Variants in LRRC72 observed in about 807,000 individuals in gnomAD.
The protein encoded by LRRC72 is leucine-rich repeat-containing protein 72.
In LRRC72, 41 loss-of-function variants were observed where a neutral mutation model predicts 35.8. That is an observed-to-expected ratio of 1.15 (90% CI 0.89 to 1.49). LRRC72 has a LOEUF of 1.49. Ranked by LOEUF, LRRC72 falls within the 40% of genes most tolerant of loss-of-function variation. The pLI, the probability that LRRC72 is intolerant of heterozygous loss-of-function variation, is 0.00. For synonymous variants in LRRC72, 118 were observed against 119.2 expected (o/e 0.99, Z 0.07); for missense variants, 389 against 330.7 (o/e 1.18, Z -1.37).
chr7:16,539,143 G>A lies in LRRC72; in HGVS notation c.234+1447G>A, dbSNP rs180806664. Among the ~76,000 whole-genome samples, 383 of 152,322 alleles carry A rather than the reference G, an allele frequency of 2.5e-3. 2 individuals are homozygous for A. Among genetic ancestry groups the A allele is most frequent in the African/African-American group, 8.8e-3 (366 of 41,566 alleles). On this transcript the variant is annotated intron_variant, in intron 3 of 8. Coordinates refer to ENST00000401542, the MANE Select transcript of LRRC72 (RefSeq NM_001195280.2). ...AAAGTTTGGAACTTCCTAGAGACTT[G>A]TTGAATGGTTTTGACCACAATACTG...
chr7:16,581,247 T>A, intron 8 of LRRC72, 77 bp from the exon 9 acceptor site: 1 of 1,289,308 alleles, frequency 7.8e-7, no homozygotes, highest in Non-Finnish European at 1.0e-6. Flanking sequence ...ATTGATTCAT[T>A]TGAATAAAAA....
chr7:16,527,270 CA>C (rs1326442718), intron 1 of LRRC72, among the ~76,000 whole-genome samples: 2 of 152,196 alleles, frequency 1.3e-5, no homozygotes, highest in Non-Finnish European at 2.9e-5. Flanking sequence ...GAACCCCCCT[CA>C]GCATCTCTGC....
intron 3 of LRRC72, 83 bp downstream of exon 3, chr7:16,537,779 G>T: frequency 1.2e-6 from 1 of 832,764 alleles, no homozygotes. Flanking sequence ...ATCTTTAAAA[G>T]TATTAAAATT....
Position 16,558,936 on chromosome 7 carries a change from G to A in LRRC72, c.364G>A (p.Glu122Lys), listed in dbSNP as rs1284595265. 6.5e-7 allele frequency: 1 copy of A among 1,537,584 alleles called. No individual in the cohort carries two copies. The highest frequency in any genetic ancestry group is 8.8e-7 in the Non-Finnish European group (1 of 1,139,002). Residue 122 changes from glutamate (E) to lysine (K), a missense_variant, in exon 5 of 9, where the codon GAG becomes AAG. By Grantham distance (56) the Glu-to-Lys change is moderately conservative. Transcript: ENST00000401542. ...GCATATACTCCTGCTACACCACAAT[G>A]AGCTAACCAACATTGATGCAACAGT... ...SLHILLLHHN[E>K]LTNIDATVKE...
chr7:16,553,128 T>C lies in LRRC72; in HGVS notation c.235-4232T>C, dbSNP rs150875411. 1.0e-3 allele frequency among the ~76,000 whole-genome samples: 153 copies of C among 152,324 alleles called. 1 individual carries two copies. The highest frequency in any genetic ancestry group is 1.8e-3 in the Non-Finnish European group (121 of 68,030). The stretch of plus-strand genomic sequence containing the variant: ...TTTTGGATGCATTTTAGACACCTTT[T>C]GGGGCTATTGTTGAAATACTAGGAA... On this transcript the variant is annotated intron_variant, in intron 3 of 8. Coordinates refer to ENST00000401542, the MANE Select transcript of LRRC72 (RefSeq NM_001195280.2).
intron 2 of LRRC72, 41 bp downstream of exon 2, chr7:16,532,609 A>G (rs907411615): frequency 7.4e-7 from 1 of 1,354,242 alleles, no homozygotes; most frequent in South Asian, 1.2e-5. Flanking sequence ...GTATCATGTT[A>G]TCATGATCAT....
chr7:16,554,301 G>C (rs1782611103), intron 3 of LRRC72, among the ~76,000 whole-genome samples: 1 of 152,224 alleles, frequency 6.6e-6, no homozygotes, highest in South Asian at 2.1e-4. Flanking sequence ...TTGCACTCCA[G>C]CCTGGGTGAC....
chr7:16,558,578 C>G (rs948385529), intron 4 of LRRC72, among the ~76,000 whole-genome samples: 1 of 151,610 alleles, frequency 6.6e-6, no homozygotes, highest in African/African-American at 2.4e-5. Flanking sequence ...CCATTGCACT[C>G]CAGCCTGGGC....
intron 5 of LRRC72, among the ~76,000 whole-genome samples, chr7:16,564,807 GA>G (rs998637192): frequency 2.2e-5 from 3 of 138,302 alleles, no homozygotes; most frequent in African/African-American, 7.9e-5. Flanking sequence ...CCAGATGATT[GA>G]TTTTTTTTTT....
chr7:16,544,361 A>T (rs1049049315), intron 3 of LRRC72, among the ~76,000 whole-genome samples: 1 of 152,134 alleles, frequency 6.6e-6, no homozygotes, highest in African/African-American at 2.4e-5. Context: ...TAGTTCTTTC[A>T]TTATGCTCTG....
chr7:16,564,550 C>A (rs1243626999), intron 5 of LRRC72, among the ~76,000 whole-genome samples: 1 of 151,732 alleles, frequency 6.6e-6, no homozygotes, highest in Non-Finnish European at 1.5e-5. Flanking sequence ...TCATTTTCTC[C>A]ATTACTTACA....
chr7:16,554,437 G>C (rs1782613851), intron 3 of LRRC72, among the ~76,000 whole-genome samples: 1 of 152,124 alleles, frequency 6.6e-6, no homozygotes, highest in Admixed American at 6.6e-5. Context: ...ATCTTGCAAT[G>C]TCTATTGAAT....
At chr7:16,572,505 A>C (rs1312765806) in intron 7 of LRRC72, among the ~76,000 whole-genome samples, 3 of 152,376 alleles carry the variant, frequency 2.0e-5, no homozygotes, top group Middle Eastern at 3.4e-3. Context: ...CAACATATGC[A>C]AATCAATAAA....
intron 4 of LRRC72, among the ~76,000 whole-genome samples, chr7:16,558,623 T>C (rs1051079506): frequency 6.6e-6 from 1 of 151,178 alleles, no homozygotes; most frequent in African/African-American, 2.4e-5. Flanking sequence ...AAAATAAAAA[T>C]AAAAAAAAGG....
intron 7 of LRRC72, among the ~76,000 whole-genome samples, chr7:16,573,370 A>C (rs936867514): frequency 3.9e-5 from 6 of 152,228 alleles, no homozygotes; most frequent in African/African-American, 1.4e-4. Context: ...AAAAGAACAA[A>C]GCTGGAGGCA....
intron 3 of LRRC72, among the ~76,000 whole-genome samples, chr7:16,546,995 G>A (rs559096154): frequency 6.6e-6 from 1 of 152,186 alleles, no homozygotes; most frequent in Non-Finnish European, 1.5e-5. Flanking sequence ...TCTGGGAGCA[G>A]CAGTGGTGGC....
At chr7:16,573,845 C>T (rs1055268978) in intron 7 of LRRC72, among the ~76,000 whole-genome samples, 9 of 152,168 alleles carry the variant, frequency 5.9e-5, no homozygotes, top group Admixed American at 2.0e-4. Context: ...GCAAAAGAAA[C>T]TGTCATCAGA....
chr7:16,551,935 G>A (rs909629441), intron 3 of LRRC72, among the ~76,000 whole-genome samples: 1 of 152,160 alleles, frequency 6.6e-6, no homozygotes, highest in African/African-American at 2.4e-5. Flanking sequence ...TGGGGTGGGG[G>A]AGCAGTCTTG....
chr7:16,560,306 G>C (rs573453420), intron 5 of LRRC72, among the ~76,000 whole-genome samples: 54 of 152,262 alleles, frequency 3.5e-4, no homozygotes, highest in Non-Finnish European at 6.9e-4. Context: ...TAAATGTACA[G>C]AGAGTTACTA....
Sources: allele counts gnomAD v4.1 joint callset (sites outside exome capture counted in the v4.1 genomes callset), GRCh38; gene constraint gnomAD v4.1.1; transcripts MANE v1.5; gene names NCBI Gene and HGNC (gene_info 2026-07-23, HGNC 2026-07-21).